Variants in COLGALT2 observed in about 807,000 individuals in gnomAD.
COLGALT2 encodes the protein procollagen galactosyltransferase 2.
In COLGALT2, 49 loss-of-function variants were observed where a neutral mutation model predicts 73.4. The ratio of observed to expected loss-of-function variants is 0.67; its 90% CI spans 0.53 to 0.85. The LOEUF (loss-of-function observed/expected upper bound fraction) is 0.85, where lower values mean the gene tolerates loss of function less well. COLGALT2 is among the 40% of genes least tolerant of loss of function. The pLI, the probability that COLGALT2 is intolerant of heterozygous loss-of-function variation, is 0.00. For synonymous variants in COLGALT2, 295 were observed against 307.6 expected (o/e 0.96, Z 0.43); for missense variants, 722 against 790.2 (o/e 0.91, Z 1.03).
intron 1 of COLGALT2, 70 bp from the exon 2 acceptor site, chr1:183,978,590 CCTGACTAA>C: frequency 1.1e-6 from 1 of 885,088 alleles, no homozygotes; most frequent in South Asian, 1.7e-5. Context: ...CCAAAAGACC[CCTGACTAA>C]CTGAAAGAAG....
downstream of COLGALT2, among the ~76,000 whole-genome samples, chr1:183,935,258 A>G (rs1382857942): frequency 6.6e-6 from 1 of 152,214 alleles, no homozygotes; most frequent in Non-Finnish European, 1.5e-5. Flanking sequence ...TTTGGCAGCC[A>G]CCTGCTTTAT....
chr1:184,011,577 T>C (rs754909630), intron 1 of COLGALT2, among the ~76,000 whole-genome samples: 3 of 152,238 alleles, frequency 2.0e-5, no homozygotes, highest in Non-Finnish European at 4.4e-5. Flanking sequence ...AAACCCGGCT[T>C]CCTTGTTCCA....
At chr1:184,016,398 G>C (rs1225331234) in intron 1 of COLGALT2, among the ~76,000 whole-genome samples, 3 of 152,204 alleles carry the variant, frequency 2.0e-5, no homozygotes, top group African/African-American at 7.2e-5. Context: ...AATTTTATCA[G>C]CAGCGAGATT....
At chr1:184,018,276 A>G (rs202159051) in intron 1 of COLGALT2, among the ~76,000 whole-genome samples, 2 of 15,548 alleles carry the variant, frequency 1.3e-4, no homozygotes, top group South Asian at 2.0e-3. Flanking sequence ...TTTCAAAAAG[A>G]AAAAAAAAAT....
Position 183,985,755 on chromosome 1 carries a change from G to A in COLGALT2, c.264-7235C>T, listed in dbSNP as rs528234647. 7.6e-4 allele frequency among the ~76,000 whole-genome samples: 115 copies of A among 152,290 alleles called. 1 individual carries two copies. Among genetic ancestry groups the A allele is most frequent in the African/African-American group, 2.6e-3 (109 of 41,548 alleles). ...TATTGATCTTGCTGCCTGAGAACCT[G>A]CAAAATACATTCCCCAGAGGCTCAA... On this transcript the variant is annotated intron_variant, in intron 1 of 11. Transcript: ENST00000361927.
chr1:183,940,651 C>T lies in COLGALT2; in HGVS notation c.1534G>A (p.Gly512Arg), dbSNP rs371313637. ...AGCATCTTCCCAAAAGGATTGGCTC[C>T]AACCAGCTTCTGTGCTCCTTCCAGA... ...ISLEGAQKLV[G>R]ANPFGKMLPV... The change falls in exon 11 of 12, where the codon GGA becomes AGA. Residue 512 changes from glycine (G) to arginine (R), a missense_variant. Gly to Arg is a moderately radical substitution (Grantham distance 125). Coordinates refer to ENST00000361927, the MANE Select transcript of COLGALT2 (RefSeq NM_015101.4). 1.2e-5 allele frequency: 20 copies of T among 1,614,086 alleles called. No individual in the cohort carries two copies. Among genetic ancestry groups the T allele is most frequent in the Non-Finnish European group, 1.6e-5 (19 of 1,180,044 alleles).
chr1:184,019,121 C>T (rs114958566), intron 1 of COLGALT2, among the ~76,000 whole-genome samples: 75 of 152,268 alleles, frequency 4.9e-4, no homozygotes, highest in African/African-American at 1.8e-3. Flanking sequence ...TCAATAGCAA[C>T]TCACTTCTTG....
At chr1:183,932,971 G>T (rs1669877497), downstream of COLGALT2, among the ~76,000 whole-genome samples, 1 of 152,284 alleles carries the variant, frequency 6.6e-6, no homozygotes, top group Admixed American at 6.5e-5. Context: ...GGTTCCAGAG[G>T]CCCTGTCCAG....
chr1:183,991,344 T>G (rs919110415), intron 1 of COLGALT2, among the ~76,000 whole-genome samples: 19 of 152,342 alleles, frequency 1.2e-4, no homozygotes, highest in African/African-American at 4.6e-4. Flanking sequence ...ATAAATCATT[T>G]TGATTTTTTT....
chr1:183,954,881 G>A (rs778884970), intron 6 of COLGALT2, 43 bp from the exon 7 acceptor site: 2 of 1,473,182 alleles, frequency 1.4e-6, no homozygotes, highest in Non-Finnish European at 9.5e-7. Context: ...GTTAATGAAA[G>A]GGTCAGAAAT....
intron 1 of COLGALT2, among the ~76,000 whole-genome samples, chr1:183,992,147 T>C (rs1300682772): frequency 6.6e-6 from 1 of 152,212 alleles, no homozygotes; most frequent in African/African-American, 2.4e-5. Context: ...CCCTATGATG[T>C]AGTATTCTTA....
intron 1 of COLGALT2, among the ~76,000 whole-genome samples, chr1:183,989,572 A>G (rs1378365835): frequency 6.6e-6 from 1 of 152,218 alleles, no homozygotes; most frequent in African/African-American, 2.4e-5. Flanking sequence ...AGCTGAAGGA[A>G]GTGTCCATGT....
intron 4 of COLGALT2, among the ~76,000 whole-genome samples, chr1:183,971,798 A>G (rs1347973145): frequency 1.3e-5 from 2 of 152,182 alleles, no homozygotes; most frequent in Non-Finnish European, 2.9e-5. Context: ...AAAAACAAAA[A>G]TCACGTTAAT....
chr1:183,981,395 G>A (rs1425037988), intron 1 of COLGALT2, among the ~76,000 whole-genome samples: 4 of 151,962 alleles, frequency 2.6e-5, no homozygotes, highest in South Asian at 4.1e-4. Context: ...GCTCATGCCC[G>A]CAATTGCAGC....
intron 1 of COLGALT2, among the ~76,000 whole-genome samples, chr1:183,992,497 C>T (rs531932684): frequency 6.4e-4 from 98 of 152,230 alleles, no homozygotes; most frequent in African/African-American, 2.2e-3. Flanking sequence ...ATCTTCATGC[C>T]TCAGAAATAT....
intron 1 of COLGALT2, among the ~76,000 whole-genome samples, chr1:184,009,128 T>C (rs1672167455): frequency 1.3e-5 from 2 of 152,196 alleles, no homozygotes; most frequent in South Asian, 4.1e-4. Context: ...ACAAGAAGTA[T>C]AGACAAATAA....
intron 1 of COLGALT2, among the ~76,000 whole-genome samples, chr1:184,004,178 T>C (rs72733491): frequency 6.6e-6 from 1 of 152,256 alleles, no homozygotes; most frequent in Non-Finnish European, 1.5e-5. Context: ...GTCTAGTTTA[T>C]CCAAAGAAGG....
At chr1:183,940,518 T>C (rs1403430177) in intron 11 of COLGALT2, 63 bp downstream of exon 11, 1 of 1,386,444 alleles carries the variant, frequency 7.2e-7, no homozygotes, top group Non-Finnish European at 1.0e-6. Context: ...CTACCAGAAA[T>C]GGAGAGCATA....
intron 1 of COLGALT2, among the ~76,000 whole-genome samples, chr1:183,982,309 G>A (rs1671375067): frequency 6.6e-6 from 1 of 152,130 alleles, no homozygotes; most frequent in South Asian, 2.1e-4. Flanking sequence ...CGTGGAAGAA[G>A]GCCACAGGCT....
Sources: gnomAD v4.1 joint callset for allele counts (sites outside exome capture counted in the v4.1 genomes callset) on GRCh38, gnomAD v4.1.1 for gene constraint, MANE v1.5 for transcripts, NCBI Gene and HGNC (gene_info 2026-07-23, HGNC 2026-07-21) for gene names.